Variants in RBFOX1 observed in about 807,000 individuals in gnomAD.
RBFOX1 encodes the protein RNA binding fox-1 homolog 1, also known as RNA binding protein fox-1 homolog 1.
RBFOX1 carries 8 observed loss-of-function variants against 57.7 expected under a neutral mutation model. That is an observed-to-expected ratio of 0.14 (90% confidence interval 0.08 to 0.25). The LOEUF (loss-of-function observed/expected upper bound fraction) is 0.25. RBFOX1 is among the 10% of genes least tolerant of loss of function. The pLI, the probability that RBFOX1 is intolerant of heterozygous loss-of-function variation, is 1.00. For synonymous variants in RBFOX1, 326 were observed against 222.4 expected (o/e 1.47, Z -4.15); for missense variants, 611 against 548.5 (o/e 1.11, Z -1.14).
chr16:6,958,216 T>C (rs1458117041), intron 3 of RBFOX1, among the ~76,000 whole-genome samples: 3 of 152,220 alleles, frequency 2.0e-5, no homozygotes, highest in Non-Finnish European at 4.4e-5. Context: ...TCCAGTAAGC[T>C]TGGCCGTCTT....
intron 4 of RBFOX1, among the ~76,000 whole-genome samples, chr16:7,377,991 A>G (rs1009452575): frequency 2.6e-5 from 4 of 152,208 alleles, no homozygotes; most frequent in African/African-American, 7.2e-5. Context: ...AGCACGGGGA[A>G]CAGAATGTGC....
chr16:5,474,150 A>C (rs1413623130), intron 2 of RBFOX1, among the ~76,000 whole-genome samples: 1 of 152,126 alleles, frequency 6.6e-6, no homozygotes, highest in African/African-American at 2.4e-5. Flanking sequence ...CTTTGGCATT[A>C]CTCCATCTTG....
intron 1 of RBFOX1, among the ~76,000 whole-genome samples, chr16:5,359,351 A>G (rs1403942768): frequency 1.3e-5 from 2 of 152,216 alleles, no homozygotes; most frequent in African/African-American, 4.8e-5. Context: ...TTGCTGGATC[A>G]TATGGTAGCT....
At chr16:5,820,962 G>A (rs149758637) in intron 3 of RBFOX1, among the ~76,000 whole-genome samples, 106 of 152,202 alleles carry the variant, frequency 7.0e-4, no homozygotes, top group African/African-American at 2.5e-3. Context: ...CCCTCCCTGT[G>A]AGCCCACCTC....
intron 3 of RBFOX1, among the ~76,000 whole-genome samples, chr16:6,707,430 C>T (rs1455982194): frequency 6.6e-6 from 1 of 150,722 alleles, no homozygotes; most frequent in African/African-American, 2.5e-5. Flanking sequence ...CTTCCTTAAA[C>T]TACATGTGGG....
chr16:5,822,831 C>G (rs78532667), intron 3 of RBFOX1, among the ~76,000 whole-genome samples: 19,717 of 152,152 alleles, frequency 0.13, 1,487 homozygotes, highest in Non-Finnish European at 0.16. Flanking sequence ...AGTTCCAGCT[C>G]TGCCATGCAC....
intron 3 of RBFOX1, among the ~76,000 whole-genome samples, chr16:5,700,828 C>G (rs148930987): frequency 1.2e-4 from 18 of 152,206 alleles, no homozygotes; most frequent in African/African-American, 4.3e-4. Flanking sequence ...AATTTGGGTC[C>G]CACACCCATC....
chr16:5,407,519 C>T (rs1266520661), intron 1 of RBFOX1, among the ~76,000 whole-genome samples: 1 of 152,096 alleles, frequency 6.6e-6, no homozygotes, highest in Non-Finnish European at 1.5e-5. Context: ...ACTGGCAGCA[C>T]TGGCCCCCAT....
At chr16:6,211,936 G>C (rs193208085) in intron 1 of RBFOX1, among the ~76,000 whole-genome samples, 2 of 151,964 alleles carry the variant, frequency 1.3e-5, no homozygotes, top group East Asian at 3.9e-4. Flanking sequence ...TGCAACCTCT[G>C]CCTCCCAGGT....
At chr16:6,858,492 A>G (rs1603633141) in intron 3 of RBFOX1, among the ~76,000 whole-genome samples, 1 of 152,278 alleles carries the variant, frequency 6.6e-6, no homozygotes. Flanking sequence ...GGGCAGAGGT[A>G]GAACATACTC....
chr16:7,430,426 C>G (rs555122045), intron 4 of RBFOX1, among the ~76,000 whole-genome samples: 23 of 152,260 alleles, frequency 1.5e-4, no homozygotes, highest in Admixed American at 7.2e-4. Flanking sequence ...CTTCGGGAGG[C>G]TGAGGCAGGC....
At chr16:7,214,770 C>G (rs562582753) in intron 4 of RBFOX1, among the ~76,000 whole-genome samples, 61 of 152,270 alleles carry the variant, frequency 4.0e-4, no homozygotes, top group Non-Finnish European at 5.7e-4. Flanking sequence ...CCTTCACTGT[C>G]TCAATCTCAC....
At chr16:6,493,302 G>A (rs914009152) in intron 2 of RBFOX1, among the ~76,000 whole-genome samples, 19 of 152,136 alleles carry the variant, frequency 1.2e-4, no homozygotes, top group African/African-American at 4.3e-4. Flanking sequence ...GTGGTGGGGT[G>A]TTGGAATTTC....
At chr16:6,884,145 A>G (rs560872524) in intron 3 of RBFOX1, among the ~76,000 whole-genome samples, 2 of 152,320 alleles carry the variant, frequency 1.3e-5, no homozygotes, top group South Asian at 4.1e-4. Context: ...GAGCAGAGCT[A>G]CTGCAGACAG....
intron 3 of RBFOX1, among the ~76,000 whole-genome samples, chr16:7,043,859 C>T (rs1466487841): frequency 6.6e-6 from 1 of 152,220 alleles, no homozygotes; most frequent in Non-Finnish European, 1.5e-5. Flanking sequence ...GCTTTCCACA[C>T]ATCCTCCTGC....
intron 4 of RBFOX1, among the ~76,000 whole-genome samples, chr16:7,280,639 TG>T (rs1297439773): frequency 3.3e-5 from 5 of 152,138 alleles, no homozygotes; most frequent in Non-Finnish European, 7.4e-5. Context: ...ACAGAGTGGC[TG>T]GGGCAGTCAA....
intron 3 of RBFOX1, among the ~76,000 whole-genome samples, chr16:6,914,701 C>T (rs1354726141): frequency 1.3e-5 from 2 of 152,256 alleles, no homozygotes; most frequent in East Asian, 1.9e-4. Flanking sequence ...TAGCAAGATC[C>T]CATCTGTACC....
At chr16:5,392,469 G>C (rs781721926) in intron 1 of RBFOX1, among the ~76,000 whole-genome samples, 13 of 151,664 alleles carry the variant, frequency 8.6e-5, no homozygotes, top group Middle Eastern at 3.2e-3. Flanking sequence ...AACATTTTAG[G>C]GGGTGTTACT....
intron 3 of RBFOX1, among the ~76,000 whole-genome samples, chr16:6,852,804 A>G (rs2094140405): frequency 6.6e-6 from 1 of 151,960 alleles, no homozygotes; most frequent in Non-Finnish European, 1.5e-5. Flanking sequence ...CTAGCTGTCC[A>G]GGTGAGATGC....
Sources: allele counts gnomAD v4.1 joint callset (sites outside exome capture counted in the v4.1 genomes callset), GRCh38; gene constraint gnomAD v4.1.1; transcripts MANE v1.5; gene names NCBI Gene and HGNC (gene_info 2026-07-23, HGNC 2026-07-21).